SSX7: variants seen among roughly 807,000 people sequenced by gnomAD.
The protein encoded by SSX7 is SSX family member 7.
In SSX7, 15 loss-of-function variants were observed where a neutral mutation model predicts 14.7. The ratio of observed to expected loss-of-function variants is 1.02; its 90% confidence interval spans 0.68 to 1.58. The LOEUF (loss-of-function observed/expected upper bound fraction) is 1.58, where lower values mean the gene tolerates loss of function less well. Among genes scored for constraint, SSX7 ranks in the 40% most tolerant of loss-of-function variants. The pLI, the probability that SSX7 is intolerant of heterozygous loss-of-function variation, is 0.00. For synonymous variants in SSX7, 46 were observed against 50.6 expected, an observed-to-expected ratio of 0.91 and a Z score of 0.38; for missense variants, 178 against 146.8, an observed-to-expected ratio of 1.21 and a Z score of -1.10.
chrX:52,647,254 A>C (rs1457324637), intron 6 of SSX7, among the ~76,000 whole-genome samples: 4 of 112,548 alleles, frequency 3.6e-5, no homozygotes, highest in African/African-American at 1.3e-4. Flanking sequence ...TAAAAGTGCA[A>C]GGTGAAGCAG....
chrX:52,651,873 C>G (rs1556767047), intron 4 of SSX7, among the ~76,000 whole-genome samples: 1 of 108,837 alleles, frequency 9.2e-6, no homozygotes, highest in East Asian at 2.9e-4. Flanking sequence ...GAAACTCCAT[C>G]TCAAAAACAA....
At chrX:52,646,769 T>C (rs1271188851) in intron 6 of SSX7, among the ~76,000 whole-genome samples, 4 of 111,556 alleles carry the variant, frequency 3.6e-5, no homozygotes, top group African/African-American at 6.5e-5. Flanking sequence ...AACCCTATAA[T>C]GGCCGCTAAG....
In SSX7 at chrX:52,648,155, C is replaced by G. The variant is rs1290311204; in HGVS notation, c.466+106G>C. Reference sequence around the variant, plus strand: ...CTGGAGCTGGGCGAGCTCCTCAGCCCAGCCTGGACCCAGGCTTGTCTGGGG... The same window carrying G: ...CTGGAGCTGGGCGAGCTCCTCAGCCGAGCCTGGACCCAGGCTTGTCTGGGG... On this transcript the variant is annotated intron_variant, in intron 6 of 7. Coordinates refer to ENST00000298181, the MANE Select transcript of SSX7 (RefSeq NM_173358.2). 3 of 1,084,977 alleles carry G rather than the reference C, an allele frequency of 2.8e-6. No individual in the cohort carries two copies. The African/African-American group carries it at 5.6e-5, about 20-fold the overall frequency. 89.4% of individuals were successfully genotyped at this position (1,084,977 alleles called of 1,213,427 possible).
chrX:52,647,613 C>T (rs782297339), intron 6 of SSX7, among the ~76,000 whole-genome samples: 10 of 111,901 alleles, frequency 8.9e-5, no homozygotes, highest in South Asian at 7.7e-4. Context: ...CCATCAACAC[C>T]GAGGCAAGAC....
chrX:52,649,044 T>C (rs1353623996), intron 5 of SSX7, among the ~76,000 whole-genome samples: 4 of 110,910 alleles, frequency 3.6e-5, no homozygotes, highest in Non-Finnish European at 5.7e-5. Context: ...TTTTTGTTGT[T>C]TTGTTTTGAG....
intron 4 of SSX7, among the ~76,000 whole-genome samples, chrX:52,651,659 G>T (rs1925433930): frequency 9.0e-6 from 1 of 111,310 alleles, no homozygotes; most frequent in Non-Finnish European, 1.9e-5. Flanking sequence ...TGGATCACCT[G>T]AGGTCAGGAA....
chrX:52,653,006 ATT>A, intron 2 of SSX7, 22 bp from the exon 3 acceptor site: 1 of 1,192,659 alleles, frequency 8.4e-7, no homozygotes, highest in South Asian at 1.8e-5. Flanking sequence ...TAAAAAAGGA[ATT>A]TTGTCAGTGA....
intron 1 of SSX7, among the ~76,000 whole-genome samples, chrX:52,654,233 C>G (rs1382767197): frequency 1.9e-4 from 21 of 109,708 alleles, no homozygotes; most frequent in African/African-American, 6.6e-4. Context: ...GAAACCATCT[C>G]TACTAAAACA....
intron 6 of SSX7, among the ~76,000 whole-genome samples, chrX:52,645,828 G>C (rs781959113): frequency 2.4e-4 from 26 of 110,453 alleles, no homozygotes; most frequent in African/African-American, 8.2e-4. Flanking sequence ...CATTCAGCAC[G>C]TGTTTTTATT....
At position 52,645,235 on chromosome X, in the gene SSX7, C is replaced by T. The variant is rs2999121; in HGVS notation, c.*4+204G>A. Among the ~76,000 whole-genome samples the T allele has an allele frequency of 3.1e-3, 334 of 106,285 alleles. 1 individual carries two copies. Among genetic ancestry groups the T allele is most frequent in the Non-Finnish European group, 5.7e-3 (292 of 51,640 alleles). The allele number at this position is 106,285 out of a possible 115,157, so 92.3% of individuals were successfully genotyped here. The stretch of plus-strand genomic sequence containing the variant: ...GCAGTAAGCGGAGATCATGCTGCTG[C>T]ACTGCAGCCTGGGCCACAAAGGGCG... On this transcript the variant is annotated intron_variant, in intron 7 of 7. Transcript: ENST00000298181.
At chrX:52,649,877 T>C (rs1485574591) in intron 5 of SSX7, among the ~76,000 whole-genome samples, 33 of 112,479 alleles carry the variant, frequency 2.9e-4, no homozygotes, top group Non-Finnish European at 5.3e-4. Flanking sequence ...ACTGCCACTG[T>C]GCCCCAGGAA....
intron 5 of SSX7, among the ~76,000 whole-genome samples, chrX:52,648,773 G>T (rs1347910967): frequency 8.9e-6 from 1 of 111,923 alleles, no homozygotes; most frequent in Non-Finnish European, 1.9e-5. Flanking sequence ...GCTCTTAGCT[G>T]CTGGGAGAGT....
chrX:52,652,796 T>C (rs1556767186), intron 3 of SSX7, 74 bp downstream of exon 3: 3 of 982,983 alleles, frequency 3.1e-6, no homozygotes, highest in African/African-American at 3.8e-5. Context: ...TTCTGCAGCC[T>C]AAGAAGTAGC....
rs782009954 is a variant in SSX7, at chrX:52,652,269, C to A, written c.263G>T (p.Arg88Leu). ...DLQGNDFDND[R>L]NQGNQVERPQ... The stretch of plus-strand genomic sequence containing the variant: ...CTACTCACCCTGATTCCCTTGGTTA[C>A]GGTCATTATCAAAATCATTCCCCTG... Residue 88 changes from arginine to leucine, a missense_variant, in exon 4 of 8, where the codon CGT (arginine) becomes CTT (leucine). Coordinates refer to ENST00000298181, the MANE Select transcript of SSX7 (RefSeq NM_173358.2). 1 of 1,205,693 alleles carries A rather than the reference C, an allele frequency of 8.3e-7. No homozygotes were observed. The highest frequency in any genetic ancestry group is 1.8e-5 in the South Asian group (1 of 56,772).
intron 7 of SSX7, 136 bp downstream of exon 7, chrX:52,645,302 CA>C (rs1556766201): frequency 9.8e-7 from 1 of 1,015,683 alleles, no homozygotes; most frequent in East Asian, 3.2e-5. Context: ...AATCTCTCAT[CA>C]TTCGGCCTCA....
At position 52,652,956 on chromosome X, in the gene SSX7, G is replaced by A. The variant is rs1925487944; in HGVS notation, c.98C>T (p.Ser33Phe). Residue 33 changes from serine (S) to phenylalanine (F), a missense_variant, in exon 3 of 8, where the codon TCT becomes TTT. Ser to Phe is a radical substitution (Grantham distance 155). Transcript: ENST00000298181. ...TTTCATCTTTTCCCACTCTTTCTTA[G>A]AGAAGTATTTGGCAATATCATCGAA... is the stretch of plus-strand genomic sequence containing the variant. ...KSFDDIAKYF[S>F]KKEWEKMKSL... 1 of 1,202,106 alleles carries A rather than the reference G, an allele frequency of 8.3e-7. No homozygotes were observed. Among genetic ancestry groups the A allele is most frequent in the African/African-American group, 1.7e-5 (1 of 57,525 alleles).
chrX:52,650,117 AC>A (rs1319986032), intron 5 of SSX7, among the ~76,000 whole-genome samples: 14 of 108,567 alleles, frequency 1.3e-4, no homozygotes, highest in African/African-American at 4.6e-4. Context: ...AGGATTAAAT[AC>A]ATTAATCCAT....
Position 52,648,302 on chromosome X carries a change from G to A in SSX7, c.425C>T (p.Pro142Leu), listed in dbSNP as rs375904446. Residue 142 changes from proline to leucine, a missense_variant, in exon 6 of 8, where the codon CCA (proline) becomes CTA (leucine). Coordinates refer to ENST00000298181, the MANE Select transcript of SSX7 (RefSeq NM_173358.2). Reference protein sequence around the residue: ...SQNDGKHLCPPGKPSTSEKIN... With the variant: ...SQNDGKHLCPLGKPSTSEKIN... ...CTTCTCAGAGGTACTTGGTTTTCCT[G>A]GAGGGCACAGGTGTTTCCCATCGTT... 1 of 1,209,784 alleles carries A rather than the reference G, an allele frequency of 8.3e-7. No homozygotes were observed. Among genetic ancestry groups the A allele is most frequent in the African/African-American group, 1.7e-5 (1 of 57,241 alleles).
intron 4 of SSX7, among the ~76,000 whole-genome samples, chrX:52,651,757 C>G (rs1163892352): frequency 2.7e-5 from 3 of 111,256 alleles, no homozygotes; most frequent in African/African-American, 6.5e-5. Context: ...CACCCGTAAC[C>G]CCAGCTACTC....
Sources: gnomAD v4.1 joint callset for allele counts (sites outside exome capture counted in the v4.1 genomes callset) on GRCh38, gnomAD v4.1.1 for gene constraint, MANE v1.5 for transcripts, NCBI Gene and HGNC (gene_info 2026-07-23, HGNC 2026-07-21) for gene names.